Variants in TACC2 observed in about 807,000 individuals in gnomAD.
The protein encoded by TACC2 is transforming acidic coiled-coil containing protein 2.
In TACC2, 137 loss-of-function variants were observed where a neutral mutation model predicts 227.3. The ratio of observed to expected loss-of-function variants is 0.60; its 90% confidence interval spans 0.52 to 0.69. The LOEUF (loss-of-function observed/expected upper bound fraction) is 0.69. Ranked by LOEUF, TACC2 falls within the 30% of genes least tolerant of loss-of-function variation. The probability of loss-of-function intolerance (pLI) is 0.00; values close to 1 mark genes in which losing one functional copy is unlikely to be tolerated. For missense variants in TACC2, 3,470 were observed against 3,694.4 expected (o/e 0.94, Z 1.57); for synonymous variants, 1,523 against 1,487.5 (o/e 1.02, Z -0.55).
At chr10:122,185,244 T>G (rs1593065732) in intron 7 of TACC2, among the ~76,000 whole-genome samples, 1 of 150,402 alleles carries the variant, frequency 6.6e-6, no homozygotes, top group African/African-American at 2.4e-5. Context: ...CAGGCTAGAG[T>G]GCAATGGCGC....
Position 122,164,122 on chromosome 10 carries a change from T to C in TACC2, c.5834+20416T>C, listed in dbSNP as rs138851999. 3,101 of 1,114,256 alleles carry C rather than the reference T, an allele frequency of 2.8e-3. 70 individuals carry two copies. The African/African-American group carries it at 0.042, about 15-fold the overall frequency. The allele number at this position is 1,114,256 out of a possible 1,614,324, so 69.0% of individuals were successfully genotyped here. A position where few individuals can be genotyped will look rare whatever the true frequency, so the allele number is the denominator to read the frequency against. ...GGCTGGCCTGGGGTTCTTCGCAGCC[T>C]TGGAAAGCTTTACCTGGGGCTGCTC... On this transcript the variant is annotated intron_variant, in intron 7 of 22. Coordinates refer to ENST00000369005, the MANE Select transcript of TACC2 (RefSeq NM_206862.4).
At chr10:122,096,017 G>A (rs1032976812) in intron 5 of TACC2, among the ~76,000 whole-genome samples, 3 of 152,234 alleles carry the variant, frequency 2.0e-5, no homozygotes, top group African/African-American at 7.2e-5. Context: ...AGTGGGTGTG[G>A]TGAGGCTCTG....
chr10:122,052,791 T>C (rs1348253215), intron 3 of TACC2: 1 of 152,054 alleles, frequency 6.6e-6, no homozygotes, highest in African/African-American at 2.4e-5. Context: ...TGTGTGTCTA[T>C]AGTGCAGGGC....
chr10:122,217,028 A>G, intron 11 of TACC2, 200 bp downstream of exon 11: 2 of 1,109,974 alleles, frequency 1.8e-6, no homozygotes, highest in Admixed American at 5.1e-5. Flanking sequence ...CTGTCCCTTG[A>G]CCCAAGACTC....
rs371628393 is a variant in TACC2 at position 122,105,936 on chromosome 10, TTC to T, written c.5573+17353_5573+17354del. Among the ~76,000 whole-genome samples the T allele has an allele frequency of 3.4e-3, 304 of 89,672 alleles. 4 individuals carry two copies. The highest frequency in any genetic ancestry group is 8.1e-3 in the African/African-American group (241 of 29,886). 58.8% of individuals were successfully genotyped at this position (89,672 alleles called of 152,430 possible). The stretch of plus-strand genomic sequence containing the variant: ...CTGCGCCTGGCCTGTCATAAACATT[TTC>T]TCTCTCTGTGTGTGTGTGTGTGTGT... On this transcript the variant is annotated intron_variant, in intron 5 of 22. Transcript: ENST00000369005.
intron 1 of TACC2, among the ~76,000 whole-genome samples, chr10:122,017,381 G>A (rs2135453200): frequency 6.6e-6 from 1 of 152,174 alleles, no homozygotes; most frequent in South Asian, 2.1e-4. Context: ...CTCCCTCCCT[G>A]CCAGTCCTCA....
chr10:122,147,070 C>T (rs1050395164), intron 7 of TACC2, among the ~76,000 whole-genome samples: 6 of 152,120 alleles, frequency 3.9e-5, no homozygotes, highest in African/African-American at 1.2e-4. Context: ...TACATACCAT[C>T]GACATGACAT....
intron 5 of TACC2, among the ~76,000 whole-genome samples, chr10:122,098,020 T>A (rs1484907177): frequency 2.0e-5 from 3 of 151,494 alleles, no homozygotes; most frequent in Non-Finnish European, 4.4e-5. Flanking sequence ...TAGAAAGAGG[T>A]TTGGGGTAAA....
At chr10:121,996,792 A>T (rs1052338221) in intron 1 of TACC2, among the ~76,000 whole-genome samples, 2 of 152,042 alleles carry the variant, frequency 1.3e-5, no homozygotes, top group Non-Finnish European at 2.9e-5. Context: ...CTAAGCAGAG[A>T]CATTGATGGG....
chr10:122,067,849 T>A (rs2077558690), intron 3 of TACC2, among the ~76,000 whole-genome samples: 1 of 152,176 alleles, frequency 6.6e-6, no homozygotes, highest in Non-Finnish European at 1.5e-5. Context: ...TTGAGATTGT[T>A]GGATATGTTG....
Position 122,227,845 on chromosome 10 carries a change from T to A in TACC2, c.7733T>A (p.Phe2578Tyr), listed in dbSNP as rs761236862. ...ESPTPCSGSS[F>Y]EETEALVNTA... The stretch of plus-strand genomic sequence containing the variant: ...CCCTTTGCTTCCCCCAGGTCAAGTT[T>A]TGAAGAGACTGAAGCCCTTGTGAAC... The change falls in exon 14 of 23, where the codon TTT (phenylalanine) becomes TAT (tyrosine). Residue 2578 changes from phenylalanine to tyrosine, a missense_variant. Phe to Tyr is a conservative substitution (Grantham distance 22). This residue lies in a region of TACC2 where 345 missense variants were observed against 354.4 expected (regional missense o/e 0.97). Coordinates refer to ENST00000369005, the MANE Select transcript of TACC2 (RefSeq NM_206862.4). The A allele has an allele frequency of 1.9e-6, 3 of 1,611,082 alleles. No homozygotes were observed. In the East Asian group the frequency reaches 6.7e-5, roughly 36 times the overall value.
At chr10:122,226,224 T>G in intron 12 of TACC2, 142 bp from the exon 13 acceptor site, 2 of 626,136 alleles carry the variant, frequency 3.2e-6, no homozygotes, top group Non-Finnish European at 5.7e-6. Flanking sequence ...CACTTCCTCC[T>G]CTCTTCCTGG....
At chr10:121,991,653 T>C (rs958525944) in intron 1 of TACC2, among the ~76,000 whole-genome samples, 9 of 152,248 alleles carry the variant, frequency 5.9e-5, no homozygotes, top group African/African-American at 2.2e-4. Flanking sequence ...TATACAGAGA[T>C]GTCTGCAGGT....
At chr10:122,000,068 T>C (rs1954087728) in intron 1 of TACC2, among the ~76,000 whole-genome samples, 1 of 152,218 alleles carries the variant, frequency 6.6e-6, no homozygotes, top group Non-Finnish European at 1.5e-5. Flanking sequence ...AGGTCTCATG[T>C]ATGAAGTGCA....
intron 1 of TACC2, among the ~76,000 whole-genome samples, chr10:121,995,506 T>G (rs1953338520): frequency 2.0e-5 from 3 of 152,162 alleles, no homozygotes; most frequent in Admixed American, 1.3e-4. Context: ...GGGGCAAAAC[T>G]CCTCCCAGTT....
At chr10:122,239,928 T>TG (rs1270535871) in intron 18 of TACC2, among the ~76,000 whole-genome samples, 1 of 152,106 alleles carries the variant, frequency 6.6e-6, no homozygotes, top group Non-Finnish European at 1.5e-5. Flanking sequence ...AACTTGAAAA[T>TG]GGGGGTAAAT....
At chr10:122,051,034 T>A (rs1240632476) in intron 3 of TACC2, 1 of 161,982 alleles carries the variant, frequency 6.2e-6, no homozygotes, top group East Asian at 1.9e-4. Context: ...GGCAGTGGGA[T>A]GTGGCCAGTG....
At chr10:122,185,718 T>A (rs1398765051) in intron 7 of TACC2, among the ~76,000 whole-genome samples, 1 of 152,188 alleles carries the variant, frequency 6.6e-6, no homozygotes, top group African/African-American at 2.4e-5. Context: ...ACAGAAATGT[T>A]TGTGTTTTCT....
At position 122,087,942 on chromosome 10, in the gene TACC2, A is replaced by ACC. The variant is rs1392263758; in HGVS notation, c.5442_5443insCC (p.Glu1815ProfsTer66). On this transcript the variant is annotated frameshift_variant, in exon 4 of 23. Transcript: ENST00000369005. LOFTEE classifies it high-confidence loss of function. ...CGAAGCTGCAACATTTGGCTCCAGAAGAGCTCCACACTGACAGGTACTTAA... is the reference window on the plus strand; with the variant it reads ...CGAAGCTGCAACATTTGGCTCCAGAACCGAGCTCCACACTGACAGGTACTTAA... 4.6e-6 allele frequency: 7 copies of ACC among 1,509,070 alleles called. No homozygotes were observed. The highest frequency in any genetic ancestry group is 4.6e-5 in the Admixed American group (2 of 43,414). 93.5% of individuals were successfully genotyped at this position (1,509,070 alleles called of 1,614,324 possible).
Sources: allele counts gnomAD v4.1 joint callset (sites outside exome capture counted in the v4.1 genomes callset), GRCh38; gene constraint gnomAD v4.1.1; regional missense constraint gnomAD v4.1.1; transcripts MANE v1.5; gene names NCBI Gene and HGNC (gene_info 2026-07-23, HGNC 2026-07-21).